The following SNX13 variants were observed in gnomAD, a reference collection of about 807,000 sequenced individuals.
The protein encoded by SNX13 is sorting nexin 13, also known as sorting nexin-13.
Under a neutral mutation model 133.6 loss-of-function variants are expected in SNX13, and 45 were observed. The ratio of observed to expected loss-of-function variants is 0.34; its 90% CI spans 0.27 to 0.43. SNX13 has a LOEUF of 0.43. SNX13 is among the 20% of genes least tolerant of loss of function. SNX13 has a pLI of 1.00. For synonymous variants in SNX13, 414 were observed against 373.9 expected, an observed-to-expected ratio of 1.11 and a Z score of -1.24; for missense variants, 1,032 against 1,145.1, an observed-to-expected ratio of 0.90 and a Z score of 1.43.
intron 21 of SNX13, among the ~76,000 whole-genome samples, chr7:17,802,941 GT>G (rs1784797123): frequency 6.6e-6 from 1 of 151,986 alleles, no homozygotes; most frequent in Admixed American, 6.6e-5. Context: ...TCTATACCCA[GT>G]AACGTATGAG....
intron 20 of SNX13, among the ~76,000 whole-genome samples, chr7:17,807,491 T>A (rs1785445315): frequency 6.6e-6 from 1 of 152,080 alleles, no homozygotes; most frequent in Admixed American, 6.5e-5. Flanking sequence ...AAAACTCCAA[T>A]CTCCCTGGGA....
intron 9 of SNX13, 94 bp from the exon 10 acceptor site, chr7:17,851,058 T>C (rs1306195224): frequency 7.8e-7 from 1 of 1,288,726 alleles, no homozygotes; most frequent in Non-Finnish European, 1.1e-6. Context: ...TAGGACAATT[T>C]GCTACATACT....
intron 1 of SNX13, among the ~76,000 whole-genome samples, chr7:17,923,141 T>C (rs1200299440): frequency 1.3e-5 from 2 of 152,160 alleles, no homozygotes; most frequent in African/African-American, 4.8e-5. Context: ...ATTTCTACCA[T>C]GCAAAAGTCA....
chr7:17,849,584 C>A (rs1185547968), intron 11 of SNX13, among the ~76,000 whole-genome samples: 1 of 152,188 alleles, frequency 6.6e-6, no homozygotes, highest in Non-Finnish European at 1.5e-5. Flanking sequence ...AAAATTCTTA[C>A]TATGGCCACT....
chr7:17,826,136 GA>G (rs35013397), intron 16 of SNX13, 45 bp from the exon 17 acceptor site: 212 of 1,254,098 alleles, frequency 1.7e-4, no homozygotes, highest in African/African-American at 1.3e-3. Flanking sequence ...ATTTTATAGG[GA>G]AAAAAAAGAG....
At chr7:17,917,688 A>G (rs560536539) in intron 1 of SNX13, among the ~76,000 whole-genome samples, 2 of 152,294 alleles carry the variant, frequency 1.3e-5, no homozygotes, top group East Asian at 3.9e-4. Context: ...GTCATGGAAT[A>G]GAAGAATCAA....
intron 1 of SNX13, among the ~76,000 whole-genome samples, chr7:17,906,767 CTT>C (rs1374674578): frequency 6.6e-6 from 1 of 152,178 alleles, no homozygotes; most frequent in African/African-American, 2.4e-5. Flanking sequence ...AATCATAACT[CTT>C]TATTTCCACA....
chr7:17,926,569 G>T (rs1800775397), intron 1 of SNX13, among the ~76,000 whole-genome samples: 1 of 152,140 alleles, frequency 6.6e-6, no homozygotes, highest in Non-Finnish European at 1.5e-5. Context: ...GTAAACAGAT[G>T]TTTATAAATC....
At chr7:17,940,059 G>A (rs1333410298) in intron 1 of SNX13, among the ~76,000 whole-genome samples, 1 of 152,226 alleles carries the variant, frequency 6.6e-6, no homozygotes, top group African/African-American at 2.4e-5. Context: ...AGTGGCAAGT[G>A]GCAACTGCGA....
chr7:17,854,844 G>A (rs959832928), intron 9 of SNX13, among the ~76,000 whole-genome samples: 1 of 152,122 alleles, frequency 6.6e-6, no homozygotes, highest in African/African-American at 2.4e-5. Flanking sequence ...AAGCGTTCAA[G>A]CAAAAGGAAG....
At chr7:17,878,384 A>T (rs1262052875) in intron 5 of SNX13, among the ~76,000 whole-genome samples, 1 of 152,202 alleles carries the variant, frequency 6.6e-6, no homozygotes, top group African/African-American at 2.4e-5. Context: ...CCTAGCTTGA[A>T]AACATTTATA....
At position 17,929,665 on chromosome 7, in the gene SNX13, CAAT is replaced by C. The variant is rs1437908723; in HGVS notation, c.12+10616_12+10618del. On this transcript the variant is annotated intron_variant, in intron 1 of 25. Coordinates refer to ENST00000428135, the MANE Select transcript of SNX13 (RefSeq NM_015132.5). ...TAGTACTTCTCATGTCAGAAAACTA[CAAT>C]AATAGCATTTCAAAAGCATAATATG... Among the ~76,000 whole-genome samples, 3 of 152,116 alleles carry C rather than the reference CAAT, an allele frequency of 2.0e-5. No individual in the cohort carries two copies. In the East Asian group the frequency reaches 5.8e-4, roughly 29 times the overall value.
chr7:17,920,450 A>G (rs928107531), intron 1 of SNX13, among the ~76,000 whole-genome samples: 2 of 152,242 alleles, frequency 1.3e-5, no homozygotes, highest in African/African-American at 4.8e-5. Flanking sequence ...TAAAGCCTAC[A>G]CATACACTGT....
At chr7:17,886,340 G>C (rs982759579) in intron 5 of SNX13, among the ~76,000 whole-genome samples, 8 of 151,978 alleles carry the variant, frequency 5.3e-5, no homozygotes, top group African/African-American at 1.9e-4. Flanking sequence ...GAGGCTGAGG[G>C]GGGCGGATCA....
chr7:17,876,152 T>G (rs912984686), intron 5 of SNX13, among the ~76,000 whole-genome samples: 1 of 152,252 alleles, frequency 6.6e-6, no homozygotes, highest in Non-Finnish European at 1.5e-5. Context: ...GAATTCTGAA[T>G]AGTTTTGTTT....
intron 17 of SNX13, among the ~76,000 whole-genome samples, chr7:17,822,444 T>G (rs1360623362): frequency 2.0e-5 from 3 of 152,172 alleles, no homozygotes; most frequent in Admixed American, 2.0e-4. Context: ...TCTTAATCCA[T>G]TCTCTGACCT....
chr7:17,868,830 A>T (rs1691020933), intron 8 of SNX13, among the ~76,000 whole-genome samples: 1 of 152,072 alleles, frequency 6.6e-6, no homozygotes, highest in African/African-American at 2.4e-5. Flanking sequence ...CTTTATTAAA[A>T]CTATAGAAAC....
chr7:17,926,218 T>C (rs1212121294), intron 1 of SNX13, among the ~76,000 whole-genome samples: 1 of 152,090 alleles, frequency 6.6e-6, no homozygotes, highest in Admixed American at 6.5e-5. Flanking sequence ...GTATAACGGG[T>C]GCTAGTGACA....
chr7:17,929,000 A>G (rs890146049), intron 1 of SNX13, among the ~76,000 whole-genome samples: 3 of 151,924 alleles, frequency 2.0e-5, no homozygotes, highest in African/African-American at 4.8e-5. Context: ...TCAAACCTAT[A>G]AAGTATAACA....
Sources: gnomAD v4.1 joint callset for allele counts (sites outside exome capture counted in the v4.1 genomes callset) on GRCh38, gnomAD v4.1.1 for gene constraint, MANE v1.5 for transcripts, NCBI Gene and HGNC (gene_info 2026-07-23, HGNC 2026-07-21) for gene names.